The following AFF1 variants were observed in gnomAD, a reference collection of about 807,000 sequenced individuals.
AFF1 encodes the protein AF4/FMR2 family member 1.
Under a neutral mutation model 121.7 loss-of-function variants are expected in AFF1, and 48 were observed. The ratio of observed to expected loss-of-function variants is 0.39; its 90% CI spans 0.31 to 0.50. The LOEUF (loss-of-function observed/expected upper bound fraction) is 0.50. Ranked by LOEUF, AFF1 falls within the 20% of genes least tolerant of loss-of-function variation. The pLI, the probability that AFF1 is intolerant of heterozygous loss-of-function variation, is 0.76. For missense variants in AFF1, 1,523 were observed against 1,511.7 expected (o/e 1.01, Z -0.12); for synonymous variants, 613 against 563.0 (o/e 1.09, Z -1.26).
chr4:87,129,402 G>A (rs342469), intron 16 of AFF1, among the ~76,000 whole-genome samples: 90,595 of 152,098 alleles, frequency 0.6, 27,176 homozygotes, highest in Middle Eastern at 0.69. Flanking sequence ...AAATATGGAC[G>A]TTATTGGCCT....
chr4:87,040,831 C>G (rs923953633), intron 2 of AFF1, among the ~76,000 whole-genome samples: 7 of 150,352 alleles, frequency 4.7e-5, no homozygotes, highest in South Asian at 4.2e-4. Flanking sequence ...CCTCAGCCCC[C>G]CAAAGTGCTG....
At chr4:87,046,099 T>C in intron 2 of AFF1, 67 bp from the exon 3 acceptor site, 1 of 1,588,800 alleles carries the variant, frequency 6.3e-7, no homozygotes, top group Non-Finnish European at 8.6e-7. Context: ...CACATGTAAG[T>C]ATGCCTGACA....
intron 1 of AFF1, among the ~76,000 whole-genome samples, chr4:86,946,230 A>G (rs1416564285): frequency 3.3e-5 from 5 of 152,246 alleles, no homozygotes; most frequent in African/African-American, 1.2e-4. Context: ...TAGAACCGCA[A>G]TACCCTACCT....
At chr4:87,125,556 C>A (rs1339731223) in intron 13 of AFF1, among the ~76,000 whole-genome samples, 1 of 152,126 alleles carries the variant, frequency 6.6e-6, no homozygotes, top group African/African-American at 2.4e-5. Context: ...AGTGCTCCTT[C>A]TTTTAGAGAT....
intron 4 of AFF1, among the ~76,000 whole-genome samples, chr4:87,074,927 G>A (rs1181463422): frequency 1.3e-5 from 2 of 152,172 alleles, no homozygotes; most frequent in African/African-American, 4.8e-5. Context: ...CGGGTCTTAA[G>A]AACTGGAATC....
chr4:87,037,998 T>C (rs200242385), intron 2 of AFF1, among the ~76,000 whole-genome samples: 15 of 55,850 alleles, frequency 2.7e-4, no homozygotes, highest in African/African-American at 4.7e-4. Flanking sequence ...TAATAAATTA[T>C]AATAAGACTG....
intron 4 of AFF1, among the ~76,000 whole-genome samples, chr4:87,066,902 CAG>C (rs1421698809): frequency 2.0e-5 from 3 of 152,146 alleles, no homozygotes; most frequent in African/African-American, 7.2e-5. Flanking sequence ...TTAATTAATT[CAG>C]AATTTATTAG....
chr4:86,974,521 A>G (rs1192955551), intron 2 of AFF1, among the ~76,000 whole-genome samples: 2 of 152,158 alleles, frequency 1.3e-5, no homozygotes, highest in African/African-American at 2.4e-5. Flanking sequence ...TATATTAAAT[A>G]TATTCTCCTT....
At chr4:86,992,686 A>AC (rs375960605) in intron 2 of AFF1, among the ~76,000 whole-genome samples, 3 of 151,988 alleles carry the variant, frequency 2.0e-5, no homozygotes, top group African/African-American at 7.3e-5. Flanking sequence ...GCAAGGGAAG[A>AC]CCCCTCCTTT....
chr4:86,938,276 C>A (rs142891373), intron 1 of AFF1, among the ~76,000 whole-genome samples: 2 of 151,854 alleles, frequency 1.3e-5, no homozygotes, highest in Admixed American at 6.6e-5. Context: ...ATGGGGAAAC[C>A]CCATCTCTAC....
chr4:87,119,647 GAT>G (rs763120284), intron 12 of AFF1, among the ~76,000 whole-genome samples: 8 of 152,220 alleles, frequency 5.3e-5, no homozygotes, highest in Non-Finnish European at 1.2e-4. Context: ...AGCTCATAGA[GAT>G]AATTCCTCAC....
chr4:86,956,668 A>G (rs1435350783), intron 2 of AFF1, among the ~76,000 whole-genome samples: 7 of 152,212 alleles, frequency 4.6e-5, no homozygotes, highest in Admixed American at 2.0e-4. Context: ...TATAAGTGCA[A>G]TCATACAATA....
At chr4:87,084,601 TAAAA>T (rs908689990) in intron 5 of AFF1, among the ~76,000 whole-genome samples, 7 of 112,258 alleles carry the variant, frequency 6.2e-5, no homozygotes, top group South Asian at 5.2e-4. Flanking sequence ...AATAAATAAA[TAAAA>T]AATAAAGAAC....
intron 2 of AFF1, among the ~76,000 whole-genome samples, chr4:86,969,637 TA>T (rs1453433234): frequency 8.0e-5 from 12 of 149,988 alleles, no homozygotes; most frequent in African/African-American, 2.9e-4. Context: ...TCCCAGCACT[TA>T]GGGAGGCCGA....
At chr4:87,105,110 A>C (rs1725781255) in intron 8 of AFF1, among the ~76,000 whole-genome samples, 1 of 152,198 alleles carries the variant, frequency 6.6e-6, no homozygotes, top group African/African-American at 2.4e-5. Context: ...CTAATGTTGA[A>C]CTTTTTATGT....
chr4:86,981,458 C>G (rs1328571553), intron 2 of AFF1, among the ~76,000 whole-genome samples: 2 of 151,908 alleles, frequency 1.3e-5, no homozygotes, highest in Non-Finnish European at 2.9e-5. Context: ...ATCTCCACTT[C>G]CCAGGTTCAA....
intron 2 of AFF1, among the ~76,000 whole-genome samples, chr4:87,003,886 T>A (rs1447981325): frequency 6.6e-6 from 1 of 152,222 alleles, no homozygotes; most frequent in Non-Finnish European, 1.5e-5. Context: ...TATAGATTTC[T>A]TACAAATGAA....
In AFF1 at chr4:87,131,206, G is replaced by A; in HGVS notation, c.3088G>A (p.Val1030Ile). 1 of 1,614,160 alleles carries A rather than the reference G, an allele frequency of 6.2e-7. No individual in the cohort carries two copies. Among genetic ancestry groups the A allele is most frequent in the Non-Finnish European group, 8.5e-7 (1 of 1,180,032 alleles). The change falls in exon 17 of 21, where the codon GTA becomes ATA. Residue 1030 changes from valine (V) to isoleucine (I), a missense_variant. Val to Ile is a conservative substitution (Grantham distance 29, BLOSUM62 3). Coordinates refer to ENST00000395146, the MANE Select transcript of AFF1 (RefSeq NM_001166693.3). Reference sequence around the variant, plus strand: ...AGCTTACTCTGTCTACTCAGAAACTGTAGATCTCATTAAGTAAGTGCCGAG... The same window carrying A: ...AGCTTACTCTGTCTACTCAGAAACTATAGATCTCATTAAGTAAGTGCCGAG... ...KSAYSVYSETVDLIKFIMSLK... is the reference protein window; with the variant it reads ...KSAYSVYSETIDLIKFIMSLK...
intron 2 of AFF1, among the ~76,000 whole-genome samples, chr4:86,991,873 G>GA (rs1475722183): frequency 1.0e-5 from 1 of 98,548 alleles, no homozygotes; most frequent in East Asian, 2.9e-4. Context: ...TTCCATTATT[G>GA]AAATATGGTA....
Sources: allele counts gnomAD v4.1 joint callset (sites outside exome capture counted in the v4.1 genomes callset), GRCh38; gene constraint gnomAD v4.1.1; transcripts MANE v1.5; gene names NCBI Gene and HGNC (gene_info 2026-07-23, HGNC 2026-07-21).